Variants in ALDH16A1 observed in about 807,000 individuals in gnomAD.
ALDH16A1 encodes aldehyde dehydrogenase family 16 member A1.
In ALDH16A1, 88 loss-of-function variants were observed where a neutral mutation model predicts 96.1. The ratio of observed to expected loss-of-function variants is 0.92; its 90% CI spans 0.77 to 1.09. ALDH16A1 has a LOEUF of 1.09. ALDH16A1 is among the 50% of genes least tolerant of loss of function. The pLI is 0.00. For synonymous variants in ALDH16A1, 522 were observed against 496.4 expected (o/e 1.05, Z -0.69); for missense variants, 1,250 against 1,112.6 (o/e 1.12, Z -1.76).
chr19:49,468,381 GT>G lies in ALDH16A1; in HGVS notation c.1940del (p.Val647GlufsTer4). On this transcript the variant is annotated frameshift_variant and splice_region_variant, in exon 15 of 17. Transcript: ENST00000293350. LOFTEE classifies it high-confidence loss of function. The surrounding 1 kb of genome is among the most constrained non-coding windows in gnomAD (Gnocchi z 4.4). ...RVQAQGHTLQ[V>X]AGLRGPVLRL... ...ACACGTGACCCACCTGTCCCTGCAG[GT>G]AGCCGGGCTGAGAGGCCCTGTGCTG... 1 of 1,598,334 alleles carries G rather than the reference GT, an allele frequency of 6.3e-7. No homozygotes were observed. Among genetic ancestry groups the G allele is most frequent in the Non-Finnish European group, 8.5e-7 (1 of 1,179,336 alleles).
intron 1 of ALDH16A1, 135 bp downstream of exon 1, chr19:49,453,556 C>A (rs769453656): frequency 1.3e-4 from 111 of 854,022 alleles, no homozygotes; most frequent in Non-Finnish European, 1.9e-4. Context: ...TCCCGCCGCC[C>A]AATAGGATCG....
At chr19:49,455,382 C>G (rs887195891) in intron 1 of ALDH16A1, among the ~76,000 whole-genome samples, 4 of 150,696 alleles carry the variant, frequency 2.7e-5, no homozygotes, top group Non-Finnish European at 5.9e-5. Flanking sequence ...CGCCACTGCA[C>G]TCCAGCCTGG....
At chr19:49,461,218 GGT>G (rs2079140500) in intron 5 of ALDH16A1, among the ~76,000 whole-genome samples, 1 of 49,158 alleles carries the variant, frequency 2.0e-5, no homozygotes, top group Admixed American at 1.6e-4. Context: ...GAGGGGCTGG[GGT>G]CTGGACTCCT....
rs762062500 is a variant in ALDH16A1 at position 49,469,203 on chromosome 19, C to T, written c.2247+217C>T. 3.3e-5 allele frequency: 18 copies of T among 552,038 alleles called. No individual in the cohort carries two copies. The East Asian group carries it at 3.6e-4, about 11-fold the overall frequency. The allele number at this position is 552,038 out of a possible 1,614,324, so 34.2% of individuals were successfully genotyped here. On this transcript the variant is annotated intron_variant, in intron 16 of 16. Coordinates refer to ENST00000293350, the MANE Select transcript of ALDH16A1 (RefSeq NM_153329.4). Reference sequence around the variant, plus strand: ...TGAGAGCTGCCTAGCCCAAAGACCTCGTCTCAGGGGACAGCCCGTTGCTAA... The same window carrying T: ...TGAGAGCTGCCTAGCCCAAAGACCTTGTCTCAGGGGACAGCCCGTTGCTAA...
At position 49,470,866 on chromosome 19, in the gene ALDH16A1, G is replaced by C. The variant is rs1338915491; in HGVS notation, c.*399G>C. Reference sequence around the variant, plus strand: ...CAGCTCAGGAGCCGGCTCCAGCACGGTGCTGTGTTTGTGAAACAGAGAAAG... The same window carrying C: ...CAGCTCAGGAGCCGGCTCCAGCACGCTGCTGTGTTTGTGAAACAGAGAAAG... On this transcript the variant is annotated 3_prime_UTR_variant, in exon 17 of 17. Transcript: ENST00000293350. The C allele has an allele frequency of 1.9e-5, 3 of 160,318 alleles. No individual in the cohort carries two copies. Among genetic ancestry groups the C allele is most frequent in the Non-Finnish European group, 2.7e-5 (2 of 73,610 alleles). 9.9% of individuals were successfully genotyped at this position (160,318 alleles called of 1,614,324 possible).
In ALDH16A1 at chr19:49,458,968, T is replaced by C; in HGVS notation, c.202T>C (p.Leu68=). The change falls in exon 3 of 17, where the codon TTG becomes CTG. Residue 68 remains leucine (L), a synonymous_variant. Transcript: ENST00000293350. Reference sequence around the variant, plus strand: ...CCCACTTTTCTCCCCAGGAGAGAACTTGGCCAGTTGCCTGCAGGCACAGGC... The same window carrying C: ...CCCACTTTTCTCCCCAGGAGAGAACCTGGCCAGTTGCCTGCAGGCACAGGC... ...PCQDPITGEN[L]ASCLQAQAED... The C allele has an allele frequency of 6.2e-7, 1 of 1,612,934 alleles. No homozygotes were observed. Among genetic ancestry groups the C allele is most frequent in the Non-Finnish European group, 8.5e-7 (1 of 1,179,532 alleles).
At position 49,462,683 on chromosome 19, in the gene ALDH16A1, G is replaced by A. The variant is rs757647508; in HGVS notation, c.1026G>A (p.Met342Ile). Residue 342 changes from methionine (M) to isoleucine (I), a missense_variant, in exon 8 of 17, where the codon ATG (methionine) becomes ATA (isoleucine). Physicochemically the swap from Met to Ile is conservative, Grantham distance 10. Coordinates refer to ENST00000293350, the MANE Select transcript of ALDH16A1 (RefSeq NM_153329.4). Reference sequence around the variant, plus strand: ...GAGGGCTGGATGGGGCCGTGGACATGGGGGCCCGGGGGGCTGCCGCATGTG... The same window carrying A: ...GAGGGCTGGATGGGGCCGTGGACATAGGGGCCCGGGGGGCTGCCGCATGTG... Reference protein sequence around the residue: ...SGRGLDGAVDMGARGAAACDL... With the variant: ...SGRGLDGAVDIGARGAAACDL... 1.2e-6 allele frequency: 2 copies of A among 1,608,332 alleles called. No individual in the cohort carries two copies. The highest frequency in any genetic ancestry group is 2.2e-5 in the East Asian group (1 of 44,796).
chr19:49,462,425 G>C (rs891571651), intron 7 of ALDH16A1, 145 bp from the exon 8 acceptor site: 1 of 1,072,434 alleles, frequency 9.3e-7, no homozygotes, highest in East Asian at 2.6e-5. Context: ...GTGAGCCACC[G>C]CATCCGGCCT....
At chr19:49,464,298 C>G (rs766516992) in intron 10 of ALDH16A1, 35 bp downstream of exon 10, 2 of 1,595,118 alleles carry the variant, frequency 1.3e-6, no homozygotes, top group Admixed American at 3.4e-5. Flanking sequence ...CACTCCTCTC[C>G]TCATTCTTCC....
chr19:49,462,142 T>TTTTAG, intron 7 of ALDH16A1, 106 bp downstream of exon 7: 13 of 1,389,430 alleles, frequency 9.4e-6, no homozygotes, highest in South Asian at 1.5e-5. Context: ...TTTTATTTTA[T>TTTTAG]TTATTTTGAG....
chr19:49,458,151 G>A (rs1303218354), intron 1 of ALDH16A1, among the ~76,000 whole-genome samples: 4 of 151,936 alleles, frequency 2.6e-5, no homozygotes, highest in Admixed American at 6.6e-5. Flanking sequence ...CCCAGGAGGC[G>A]GAGCTTGCAG....
rs1243073273 is a variant in ALDH16A1 at position 49,463,852 on chromosome 19, AGGTGTTCCAGGCT to A, written c.1102_1114del (p.Phe368MetfsTer130). ...CGACTTCTAGATCATTTCTCTCCCT[AGGTGTTCCAGGCT>A]GGTGATGTGCCTTCGGAACGCCCAT... On this transcript the variant is annotated splice_acceptor_variant and coding_sequence_variant, in exon 9 of 17. Transcript: ENST00000293350. LOFTEE classifies it high-confidence loss of function. The A allele has an allele frequency of 6.2e-7, 1 of 1,612,348 alleles. No homozygotes were observed. The highest frequency in any genetic ancestry group is 8.5e-7 in the Non-Finnish European group (1 of 1,179,050).
rs148184618 is a variant in ALDH16A1, at chr19:49,453,672, T to A, written c.90+251T>A. 1.2e-4 allele frequency among the ~76,000 whole-genome samples: 19 copies of A among 152,296 alleles called. No homozygotes were observed. The East Asian group carries it at 3.5e-3, about 28-fold the overall frequency. The stretch of plus-strand genomic sequence containing the variant: ...CCTTGATCCTGAACTCCTCGTAGTG[T>A]TTCCGCGGTTTTCCTGAACTCCTCT... On this transcript the variant is annotated intron_variant, in intron 1 of 16. Transcript: ENST00000293350.
In ALDH16A1 at chr19:49,459,744, G is replaced by A. The variant is rs145581711; in HGVS notation, c.395G>A (p.Arg132Gln). Residue 132 changes from arginine (R) to glutamine (Q), a missense_variant, in exon 4 of 17, where the codon CGA (arginine) becomes CAA (glutamine). Physicochemically the swap from Arg to Gln is conservative, Grantham distance 43. Transcript: ENST00000293350. The surrounding 1 kb of genome is among the most constrained non-coding windows in gnomAD (Gnocchi z 4.1). ...TCCCTGGTGACTGGGCGGGCTGTTCGAGAGGTTCGAGACGGGGACGTCCAG... is the reference window on the plus strand; with the variant it reads ...TCCCTGGTGACTGGGCGGGCTGTTCAAGAGGTTCGAGACGGGGACGTCCAG... ...LESLVTGRAV[R>Q]EVRDGDVQLA... The A allele has an allele frequency of 3.1e-4, 494 of 1,613,736 alleles. 1 individual carries two copies. The highest frequency in any genetic ancestry group is 2.4e-3 in the African/African-American group (177 of 75,030).
Position 49,468,354 on chromosome 19 carries a change from C to T in ALDH16A1, c.1939-27C>T. On this transcript the variant is annotated intron_variant, in intron 14 of 16. Transcript: ENST00000293350. This position sits in a 1 kb window ranked among gnomAD's most constrained non-coding sequence, Gnocchi z 4.4. ...TTACTGCGGGCGGGGCTCCCCTGCC[C>T]CACACGTGACCCACCTGTCCCTGCA... 2 of 1,593,926 alleles carry T rather than the reference C, an allele frequency of 1.3e-6. No individual in the cohort carries two copies. The highest frequency in any genetic ancestry group is 1.7e-6 in the Non-Finnish European group (2 of 1,177,198).
chr19:49,463,165 C>G (rs74174292), intron 8 of ALDH16A1, among the ~76,000 whole-genome samples: 9 of 2,788 alleles, frequency 3.2e-3, no homozygotes, highest in Admixed American at 3.0e-3. Flanking sequence ...GAGGGGCTGG[C>G]GGCCTGGACT....
At position 49,464,155 on chromosome 19, in the gene ALDH16A1, C is replaced by T; in HGVS notation, c.1223C>T (p.Pro408Leu). 1 of 1,608,926 alleles carries T rather than the reference C, an allele frequency of 6.2e-7. No individual in the cohort carries two copies. Among genetic ancestry groups the T allele is most frequent in the African/African-American group, 1.3e-5 (1 of 75,014 alleles). Residue 408 changes from proline (P) to leucine (L), a missense_variant, in exon 10 of 17, where the codon CCC becomes CTC. Coordinates refer to ENST00000293350, the MANE Select transcript of ALDH16A1 (RefSeq NM_153329.4). ...CCGTGGCCTGTGGTCGTGGCCTCCC[C>T]CTTCCGCACAGCCAAGGAGGCACTG... ...EVPWPVVVAS[P>L]FRTAKEALLV... is the part of the protein sequence containing the mutation.
intron 8 of ALDH16A1, among the ~76,000 whole-genome samples, chr19:49,463,004 G>C (rs2079165539): frequency 8.8e-6 from 1 of 113,760 alleles, no homozygotes; most frequent in Non-Finnish European, 1.7e-5. Flanking sequence ...TCCTGGGTCT[G>C]AGGGAGGAGG....
At chr19:49,466,703 A>AG (rs2079202317) in intron 14 of ALDH16A1, among the ~76,000 whole-genome samples, 1 of 151,818 alleles carries the variant, frequency 6.6e-6, no homozygotes, top group Non-Finnish European at 1.5e-5. Context: ...TACTAAAAAT[A>AG]CAAAAAATTA....
Sources: allele counts gnomAD v4.1 joint callset (sites outside exome capture counted in the v4.1 genomes callset), GRCh38; gene constraint gnomAD v4.1.1; non-coding constraint Gnocchi (gnomAD v3.1); transcripts MANE v1.5; gene names NCBI Gene and HGNC (gene_info 2026-07-23, HGNC 2026-07-21).